Variants in XPO5 observed in about 807,000 individuals in gnomAD.
XPO5 encodes exportin-5.
XPO5 carries 46 observed loss-of-function variants against 160.6 expected under a neutral mutation model. That is an observed-to-expected ratio of 0.29 (90% CI 0.23 to 0.37). XPO5 has a LOEUF of 0.37. Among genes scored for constraint, XPO5 ranks in the 10% least tolerant of loss-of-function variants. XPO5 has a pLI of 1.00. For synonymous variants in XPO5, 537 were observed against 519.3 expected (o/e 1.03, Z -0.46); for missense variants, 1,090 against 1,463.9 (o/e 0.74, Z 4.17).
rs186877420 is a variant in XPO5 at position 43,551,371 on chromosome 6, A to G, written c.1655T>C (p.Val552Ala). ...DTKDPLILSC[V>A]LTNVSALFPF... ...AAAGAGTGCAGAGACATTAGTAAGG[A>G]CGCAGGACAGGATGAGGGGATCCTT... is the stretch of plus-strand genomic sequence containing the variant. The change falls in exon 15 of 32, where the codon GTC becomes GCC. Residue 552 changes from valine (V) to alanine (A), a missense_variant. Physicochemically the swap from Val to Ala is moderately conservative, Grantham distance 64. This residue lies in a region of XPO5 where 810 missense variants were observed against 1,139.0 expected (regional missense o/e 0.71). Coordinates refer to ENST00000265351, the MANE Select transcript of XPO5 (RefSeq NM_020750.3). The G allele has an allele frequency of 2.1e-4, 334 of 1,613,992 alleles. 1 individual carries two copies. The East Asian group carries it at 5.4e-3, about 26-fold the overall frequency.
chr6:43,570,176 G>A (rs1235942643), intron 5 of XPO5, among the ~76,000 whole-genome samples: 1 of 151,036 alleles, frequency 6.6e-6, no homozygotes, highest in Non-Finnish European at 1.5e-5. Flanking sequence ...GCCGGGCCTG[G>A]TGGCGGGCGC....
chr6:43,569,634 G>A (rs1762887163), intron 5 of XPO5, among the ~76,000 whole-genome samples: 1 of 151,824 alleles, frequency 6.6e-6, no homozygotes, highest in South Asian at 2.1e-4. Flanking sequence ...CCGGGAGGCT[G>A]AGGCAGGAGA....
Position 43,522,501 on chromosome 6 carries a change from C to T in XPO5, c.*1367G>A, listed in dbSNP as rs1341365883. On this transcript the variant is annotated 3_prime_UTR_variant, in exon 32 of 32. Coordinates refer to ENST00000265351, the MANE Select transcript of XPO5 (RefSeq NM_020750.3). ...TACATCCTCCACAGCCCCAACCAGA[C>T]AGGAATAGGCAGCTATCAGGTTTGG... 4.8e-5 allele frequency: 10 copies of T among 206,808 alleles called. No individual in the cohort carries two copies. The highest frequency in any genetic ancestry group is 1.1e-4 in the Non-Finnish European group (10 of 93,214). The allele number at this position is 206,808 out of a possible 1,614,324, so 12.8% of individuals were successfully genotyped here.
intron 12 of XPO5, among the ~76,000 whole-genome samples, chr6:43,557,611 T>C (rs1762167561): frequency 6.6e-6 from 1 of 151,250 alleles, no homozygotes; most frequent in Non-Finnish European, 1.5e-5. Context: ...GATGAGGGAA[T>C]TGGGGGATGA....
At chr6:43,544,812 A>G (rs1270855488) in intron 20 of XPO5, among the ~76,000 whole-genome samples, 1 of 152,170 alleles carries the variant, frequency 6.6e-6, no homozygotes, top group Non-Finnish European at 1.5e-5. Flanking sequence ...CTCTCAGTAC[A>G]AGTCCTACTT....
chr6:43,543,749 T>C (rs572049481), intron 20 of XPO5, among the ~76,000 whole-genome samples: 5 of 152,128 alleles, frequency 3.3e-5, no homozygotes, highest in African/African-American at 1.2e-4. Context: ...TGATCTTGGC[T>C]CACTGCAACC....
chr6:43,549,454 A>G lies in XPO5; in HGVS notation c.1860+35T>C, dbSNP rs373644510. ...CTGGATTTACACACAAATGTAACCA[A>G]ACTTGGCTACTTCAGCCAGGGTCCA... On this transcript the variant is annotated intron_variant, in intron 17 of 31. Transcript: ENST00000265351. The G allele has an allele frequency of 7.7e-6, 12 of 1,568,450 alleles. No homozygotes were observed. The African/African-American group carries it at 1.5e-4, about 20-fold the overall frequency.
Position 43,522,703 on chromosome 6 carries a change from G to C in XPO5, c.*1165C>G. 2.0e-6 allele frequency: 1 copy of C among 498,770 alleles called. No individual in the cohort carries two copies. The highest frequency in any genetic ancestry group is 4.2e-6 in the Non-Finnish European group (1 of 239,138). 30.9% of individuals were successfully genotyped at this position (498,770 alleles called of 1,614,324 possible). A position where few individuals can be genotyped will look rare whatever the true frequency, so the allele number is the denominator to read the frequency against. On this transcript the variant is annotated 3_prime_UTR_variant, in exon 32 of 32. Coordinates refer to ENST00000265351, the MANE Select transcript of XPO5 (RefSeq NM_020750.3). ...GTAGCTTCAGTCCACTTCGGCTCTC[G>C]GGGAAACCCTCTTGTCAGTGGACTG...
chr6:43,562,951 A>C lies in XPO5; in HGVS notation c.912-605T>G, dbSNP rs1458407731. Among the ~76,000 whole-genome samples the C allele has an allele frequency of 2.0e-5, 3 of 152,152 alleles. No individual in the cohort carries two copies. The East Asian group carries it at 5.8e-4, about 29-fold the overall frequency. On this transcript the variant is annotated intron_variant, in intron 8 of 31. Coordinates refer to ENST00000265351, the MANE Select transcript of XPO5 (RefSeq NM_020750.3). ...GGAAGCCATGAAAAATGTGTATTAG[A>C]ATGGGTAGTAAGAGATTTTAAGTAA...
chr6:43,524,784 G>A, intron 30 of XPO5, 47 bp downstream of exon 30: 1 of 1,604,882 alleles, frequency 6.2e-7, no homozygotes, highest in Non-Finnish European at 8.5e-7. Flanking sequence ...GGAGCAGACT[G>A]AGTGATGAAG....
chr6:43,532,135 A>C (rs1794028954), intron 21 of XPO5, among the ~76,000 whole-genome samples: 1 of 152,184 alleles, frequency 6.6e-6, no homozygotes, highest in African/African-American at 2.4e-5. Flanking sequence ...AACTTGAATA[A>C]TGGCATGGGG....
At chr6:43,543,809 T>TGGGATTAC (rs1270156784) in intron 20 of XPO5, among the ~76,000 whole-genome samples, 1 of 152,036 alleles carries the variant, frequency 6.6e-6, no homozygotes, top group African/African-American at 2.4e-5. Flanking sequence ...CCCGAGTAGC[T>TGGGATTAC]GGGATTACAG....
At position 43,575,642 on chromosome 6, in the gene XPO5, G is replaced by A. The variant is rs75734196; in HGVS notation, c.105+118C>T. On this transcript the variant is annotated intron_variant, in intron 1 of 31. Transcript: ENST00000265351. ...GCGAGGGGAAGGTCCCGGGGAGTTG[G>A]GAAAGGAGGTCCAGGGGCCGCGTGG... 348 of 883,474 alleles carry A rather than the reference G, an allele frequency of 3.9e-4. 2 individuals carry two copies. The African/African-American group carries it at 4.4e-3, about 11-fold the overall frequency. 54.7% of individuals were successfully genotyped at this position (883,474 alleles called of 1,614,324 possible).
chr6:43,574,308 G>A (rs1054526558), intron 1 of XPO5, among the ~76,000 whole-genome samples: 1 of 151,910 alleles, frequency 6.6e-6, no homozygotes, highest in Admixed American at 6.6e-5. Context: ...TACTCAAAAA[G>A]AAACTCCAAC....
At chr6:43,560,764 A>C (rs994851656) in intron 10 of XPO5, among the ~76,000 whole-genome samples, 160 bp downstream of exon 10, 18 of 152,214 alleles carry the variant, frequency 1.2e-4, no homozygotes, top group African/African-American at 4.1e-4. Context: ...TGGCTCAGGA[A>C]GAAGAGCCAA....
At chr6:43,553,582 G>C in intron 13 of XPO5, 79 bp from the exon 14 acceptor site, 1 of 1,498,872 alleles carries the variant, frequency 6.7e-7, no homozygotes, top group Non-Finnish European at 8.9e-7. Flanking sequence ...AGAAGACACA[G>C]AGAGACAATG....
rs142623451 is a variant in XPO5 at position 43,534,943 on chromosome 6, C to T, written c.2343-936G>A. 4.3e-4 allele frequency among the ~76,000 whole-genome samples: 65 copies of T among 151,870 alleles called. No individual in the cohort carries two copies. The East Asian group carries it at 0.011, about 26-fold the overall frequency. ...TTGCGAGGCAGAGGTTGTGGTGAGCCGAGATCATACCACTGCACTCCAGCC... is the reference window on the plus strand; with the variant it reads ...TTGCGAGGCAGAGGTTGTGGTGAGCTGAGATCATACCACTGCACTCCAGCC... On this transcript the variant is annotated intron_variant, in intron 20 of 31. Transcript: ENST00000265351.
At position 43,553,353 on chromosome 6, in the gene XPO5, C is replaced by T; in HGVS notation, c.1572+20G>A. 1.2e-6 allele frequency: 2 copies of T among 1,600,834 alleles called. No homozygotes were observed. The highest frequency in any genetic ancestry group is 1.7e-6 in the Non-Finnish European group (2 of 1,173,398). Reference sequence around the variant, plus strand: ...AAGGTCAAAATAATCATGCAGTCAGCATGGGAAATAATTACTTACTTCTCT... The same window carrying T: ...AAGGTCAAAATAATCATGCAGTCAGTATGGGAAATAATTACTTACTTCTCT... On this transcript the variant is annotated intron_variant, in intron 14 of 31. Transcript: ENST00000265351.
intron 3 of XPO5, among the ~76,000 whole-genome samples, chr6:43,572,008 T>C (rs1763034056): frequency 1.3e-5 from 2 of 152,242 alleles, no homozygotes; most frequent in South Asian, 4.1e-4. Context: ...ATTTAAAAAA[T>C]AGAAGTCAAT....
Sources: gnomAD v4.1 joint callset for allele counts (sites outside exome capture counted in the v4.1 genomes callset) on GRCh38, gnomAD v4.1.1 for gene constraint, gnomAD v4.1.1 regional missense constraint, MANE v1.5 for transcripts, NCBI Gene and HGNC (gene_info 2026-07-23, HGNC 2026-07-21) for gene names.